The following TMEM132B variants were observed in gnomAD, a reference collection of about 807,000 sequenced individuals.
The protein encoded by TMEM132B is transmembrane protein 132B.
In TMEM132B, 18 loss-of-function variants were observed where a neutral mutation model predicts 90.8. The ratio of observed to expected loss-of-function variants is 0.20; its 90% CI spans 0.14 to 0.29. The LOEUF (loss-of-function observed/expected upper bound fraction) is 0.29. TMEM132B is among the 10% of genes least tolerant of loss of function. The pLI is 1.00. For synonymous variants in TMEM132B, 504 were observed against 523.3 expected (o/e 0.96, Z 0.50); for missense variants, 1,096 against 1,326.8 (o/e 0.83, Z 2.70).
At chr12:125,322,802 A>G (rs567724006) in intron 1 of TMEM132B, among the ~76,000 whole-genome samples, 6 of 152,318 alleles carry the variant, frequency 3.9e-5, no homozygotes, top group African/African-American at 1.4e-4. Flanking sequence ...TTGCACAGGC[A>G]GTCAACATGA....
At chr12:125,214,768 T>C (rs1344862386) in intron 1 of TMEM132B, among the ~76,000 whole-genome samples, 3 of 152,206 alleles carry the variant, frequency 2.0e-5, no homozygotes, top group Non-Finnish European at 4.4e-5. Context: ...CCCTTTTCTG[T>C]TCCCCGGAAG....
Position 125,650,828 on chromosome 12 carries a change from C to T in TMEM132B, c.1789C>T (p.Pro597Ser), listed in dbSNP as rs779748789. The T allele has an allele frequency of 2.5e-6, 4 of 1,614,076 alleles. 1 individual carries two copies. Among genetic ancestry groups the T allele is most frequent in the African/African-American group, 2.7e-5 (2 of 74,924 alleles). The change falls in exon 7 of 9, where the codon CCC becomes TCC. Residue 597 changes from proline to serine, a missense_variant. Coordinates refer to ENST00000682704, the MANE Select transcript of TMEM132B (RefSeq NM_001366854.1). ...DLGQLTYMLG[P>S]DWQFDITDLV... Reference sequence around the variant, plus strand: ...AGGGCAGCTGACCTACATGCTGGGCCCCGACTGGCAGTTTGACATCACTGA... The same window carrying T: ...AGGGCAGCTGACCTACATGCTGGGCTCCGACTGGCAGTTTGACATCACTGA...
chr12:125,566,835 C>CTTTTT (rs869196346), intron 4 of TMEM132B, among the ~76,000 whole-genome samples: 14 of 78,736 alleles, frequency 1.8e-4, no homozygotes, highest in African/African-American at 3.7e-4. Context: ...TCTTCTTCTT[C>CTTTTT]TTTTTTTTTT....
intron 1 of TMEM132B, among the ~76,000 whole-genome samples, chr12:125,189,550 G>A (rs1957783437): frequency 1.3e-5 from 2 of 152,062 alleles, no homozygotes; most frequent in Admixed American, 6.5e-5. Context: ...TGTGTGTGGC[G>A]CTGCCCTTCA....
intron 4 of TMEM132B, among the ~76,000 whole-genome samples, chr12:125,535,728 G>A (rs1883778181): frequency 6.6e-6 from 1 of 152,184 alleles, no homozygotes; most frequent in Admixed American, 6.5e-5. Flanking sequence ...AGGGGTTGGG[G>A]CAGACTTGCC....
intron 1 of TMEM132B, among the ~76,000 whole-genome samples, chr12:125,343,982 C>G (rs1251924342): frequency 6.6e-6 from 1 of 152,148 alleles, no homozygotes; most frequent in Non-Finnish European, 1.5e-5. Context: ...AGCGTTAAAC[C>G]AAGGCAGTCT....
At chr12:125,550,745 C>T (rs1722495619) in intron 4 of TMEM132B, among the ~76,000 whole-genome samples, 1 of 152,256 alleles carries the variant, frequency 6.6e-6, no homozygotes, top group Non-Finnish European at 1.5e-5. Context: ...TTCTTCTTCC[C>T]TAGTGGGCTT....
intron 1 of TMEM132B, among the ~76,000 whole-genome samples, chr12:125,307,788 G>GTATATTACAAGTACATATACT (rs1565998249): frequency 2.9e-4 from 24 of 81,902 alleles, no homozygotes; most frequent in African/African-American, 1.2e-3. Context: ...TATAATACAA[G>GTATATTACAAGTACATATACT]TATATTACAA....
chr12:125,537,511 C>T (rs528973868), intron 4 of TMEM132B, among the ~76,000 whole-genome samples: 1 of 152,270 alleles, frequency 6.6e-6, no homozygotes, highest in African/African-American at 2.4e-5. Flanking sequence ...CTGGGGCGGA[C>T]ATCCATTCTT....
rs1442981017 is a variant in TMEM132B at position 125,407,907 on chromosome 12, A to G, written c.960-7624A>G. Among the ~76,000 whole-genome samples, 1 of 152,180 alleles carries G rather than the reference A, an allele frequency of 6.6e-6. No individual in the cohort carries two copies. The highest frequency in any genetic ancestry group is 2.4e-5 in the African/African-American group (1 of 41,446). ...TGAACTTCATATTGAACTGTAACCT[A>G]CATGCAGAAGAGTCCACATAAGCGA... On this transcript the variant is annotated intron_variant, in intron 2 of 8. Transcript: ENST00000682704. This position sits in a 1 kb window ranked among gnomAD's most constrained non-coding sequence, Gnocchi z 6.7.
At chr12:125,599,532 A>T (rs1332297712) in intron 5 of TMEM132B, among the ~76,000 whole-genome samples, 1 of 152,014 alleles carries the variant, frequency 6.6e-6, no homozygotes, top group Non-Finnish European at 1.5e-5. Context: ...GAGGGTGGGG[A>T]TGGGCTGGTG....
At chr12:125,484,912 AT>A (rs202127253) in intron 3 of TMEM132B, among the ~76,000 whole-genome samples, 6 of 151,860 alleles carry the variant, frequency 4.0e-5, no homozygotes, top group African/African-American at 1.4e-4. Context: ...ATTTAGACCT[AT>A]TTTTTTTCCA....
At chr12:125,541,088 A>G (rs1463273352) in intron 4 of TMEM132B, among the ~76,000 whole-genome samples, 2 of 152,192 alleles carry the variant, frequency 1.3e-5, no homozygotes, top group Non-Finnish European at 2.9e-5. Context: ...TTTCTGCTCA[A>G]ATATCACCTG....
chr12:125,444,459 G>A (rs989817279), intron 3 of TMEM132B, among the ~76,000 whole-genome samples: 1 of 152,078 alleles, frequency 6.6e-6, no homozygotes, highest in African/African-American at 2.4e-5. Context: ...TCATATAAAT[G>A]TTACATAATT....
chr12:125,374,146 T>C (rs1040671029), intron 2 of TMEM132B, among the ~76,000 whole-genome samples: 8 of 152,250 alleles, frequency 5.3e-5, no homozygotes. Context: ...GTGCCACTCC[T>C]TGGCAGATGT....
intron 4 of TMEM132B, among the ~76,000 whole-genome samples, chr12:125,579,846 C>G (rs1294152753): frequency 6.6e-6 from 1 of 152,044 alleles, no homozygotes; most frequent in Non-Finnish European, 1.5e-5. Flanking sequence ...TTGCATGTCT[C>G]ATAAGTTTTT....
In TMEM132B at chr12:125,252,979, A is replaced by T. The variant is rs932852660; in HGVS notation, c.67+66113A>T. ...TTAACTGTAAGACGAAAACAACTTT[A>T]AAAAATCTGTTTGCTCTGTGTCTGG... On this transcript the variant is annotated intron_variant, in intron 1 of 8. Transcript: ENST00000682704. Among the ~76,000 whole-genome samples the T allele has an allele frequency of 2.0e-5, 3 of 152,264 alleles. No homozygotes were observed. The South Asian group carries it at 6.2e-4, about 31-fold the overall frequency.
In TMEM132B at chr12:125,209,906, T is replaced by C. The variant is rs1873280906; in HGVS notation, c.67+23040T>C. ...CCAGAGTGTCTTCCTCGCCTTGTCC[T>C]GTGAGTCTCGTAGGTGCCTGCTCAT... On this transcript the variant is annotated intron_variant, in intron 1 of 8. Transcript: ENST00000682704. The surrounding 1 kb of genome is among the most constrained non-coding windows in gnomAD (Gnocchi z 4.4). Among the ~76,000 whole-genome samples the C allele has an allele frequency of 6.6e-6, 1 of 152,224 alleles. No individual in the cohort carries two copies. The highest frequency in any genetic ancestry group is 6.5e-5 in the Admixed American group (1 of 15,286).
rs1361873149 is a variant in TMEM132B at position 125,618,786 on chromosome 12, A to G, written c.1438-25290A>G. ...TCCAAAGTCAGCACTTCAGAATATT[A>G]TGTTAATAATGTTATAGGTGATATG... On this transcript the variant is annotated intron_variant, in intron 5 of 8. Transcript: ENST00000682704. 3.9e-5 allele frequency among the ~76,000 whole-genome samples: 6 copies of G among 152,280 alleles called. No homozygotes were observed. The East Asian group carries it at 9.6e-4, about 24-fold the overall frequency.
Sources: gnomAD v4.1 joint callset for allele counts (sites outside exome capture counted in the v4.1 genomes callset) on GRCh38, gnomAD v4.1.1 for gene constraint, Gnocchi (gnomAD v3.1) non-coding constraint, MANE v1.5 for transcripts, NCBI Gene and HGNC (gene_info 2026-07-23, HGNC 2026-07-21) for gene names.